Variants in KCNB2 observed in about 807,000 individuals in gnomAD.
KCNB2 encodes the protein delayed rectifier potassium channel protein.
A neutral mutation model predicts 61.5 loss-of-function variants in KCNB2; 15 were observed. The observed-to-expected ratio is 0.24, with a 90% confidence interval of 0.16 to 0.38. KCNB2 has a LOEUF of 0.38. Ranked by LOEUF, KCNB2 falls within the 10% of genes least tolerant of loss-of-function variation. The pLI is 1.00. For missense variants in KCNB2, 828 were observed against 1,125.2 expected (o/e 0.74, Z 3.78); for synonymous variants, 457 against 446.0 (o/e 1.02, Z -0.31).
chr8:72,598,273 C>G (rs922136350), intron 2 of KCNB2, among the ~76,000 whole-genome samples: 1 of 152,206 alleles, frequency 6.6e-6, no homozygotes, highest in Admixed American at 6.5e-5. Flanking sequence ...GACTTCATCA[C>G]TCAGATGCAA....
chr8:72,574,621 G>C (rs1457404413), intron 2 of KCNB2, among the ~76,000 whole-genome samples: 2 of 152,046 alleles, frequency 1.3e-5, no homozygotes, highest in Non-Finnish European at 1.5e-5. Context: ...AAAATCATTA[G>C]TTTTCATTAA....
chr8:72,650,805 G>A (rs1806199910), intron 2 of KCNB2, among the ~76,000 whole-genome samples: 1 of 152,152 alleles, frequency 6.6e-6, no homozygotes, highest in Non-Finnish European at 1.5e-5. Flanking sequence ...TTCAATGTCT[G>A]TAAGCTCTGG....
rs756619739 is a variant in KCNB2 at position 72,935,897 on chromosome 8, T to A, written c.580-38T>A. The A allele has an allele frequency of 2.0e-6, 3 of 1,492,160 alleles. No homozygotes were observed. In the African/African-American group the frequency reaches 4.1e-5, roughly 21 times the overall value. The allele number at this position is 1,492,160 out of a possible 1,614,324, so 92.4% of individuals were successfully genotyped here. A position where few individuals can be genotyped will look rare whatever the true frequency, so the allele number is the denominator to read the frequency against. ...TCTGTCTCCTAGCTGCCTAAGCAAC[T>A]AAGAGGATTTGCTGACTTGGACTTT... On this transcript the variant is annotated intron_variant, in intron 2 of 2. Coordinates refer to ENST00000523207, the MANE Select transcript of KCNB2 (RefSeq NM_004770.3).
chr8:72,851,840 A>AAAAAAACAAAAC (rs1554538996), intron 2 of KCNB2, among the ~76,000 whole-genome samples: 1,716 of 134,514 alleles, frequency 0.013, 85 homozygotes, highest in African/African-American at 0.047. Context: ...AAAAAAAAAA[A>AAAAAAACAAAAC]AAAAAAAACA....
At chr8:72,739,905 C>T (rs1329537297) in intron 2 of KCNB2, among the ~76,000 whole-genome samples, 2 of 152,034 alleles carry the variant, frequency 1.3e-5, no homozygotes, top group Non-Finnish European at 2.9e-5. Flanking sequence ...AAAGTTGTGC[C>T]ATGTACAATA....
At chr8:72,927,862 G>T (rs1214035677) in intron 2 of KCNB2, among the ~76,000 whole-genome samples, 1 of 152,084 alleles carries the variant, frequency 6.6e-6, no homozygotes, top group African/African-American at 2.4e-5. Flanking sequence ...ATCATCTTTT[G>T]GGCTTCAAAG....
intron 2 of KCNB2, among the ~76,000 whole-genome samples, chr8:72,686,836 A>C (rs1044447919): frequency 6.6e-6 from 1 of 152,308 alleles, no homozygotes; most frequent in East Asian, 1.9e-4. Context: ...TTTTATCCAG[A>C]TCAATACTTA....
intron 2 of KCNB2, among the ~76,000 whole-genome samples, chr8:72,582,861 C>A (rs1216879223): frequency 6.6e-6 from 1 of 152,156 alleles, no homozygotes; most frequent in Non-Finnish European, 1.5e-5. Flanking sequence ...CTCAAGCAAG[C>A]CTGCCATGTA....
chr8:72,594,295 C>G (rs1807151846), intron 2 of KCNB2, among the ~76,000 whole-genome samples: 1 of 152,178 alleles, frequency 6.6e-6, no homozygotes, highest in Admixed American at 6.5e-5. Flanking sequence ...TTTGCACCCC[C>G]CTCATCCTCC....
At chr8:72,613,280 A>G (rs935576458) in intron 2 of KCNB2, among the ~76,000 whole-genome samples, 40 of 152,348 alleles carry the variant, frequency 2.6e-4, no homozygotes, top group African/African-American at 9.4e-4. Flanking sequence ...ACAAACAAGC[A>G]AAACTAACAA....
intron 1 of KCNB2, among the ~76,000 whole-genome samples, chr8:72,550,832 A>G (rs1468837826): frequency 6.6e-6 from 1 of 152,194 alleles, no homozygotes; most frequent in African/African-American, 2.4e-5. Flanking sequence ...CTTTCTTCCT[A>G]GGGAATGTCC....
chr8:72,539,263 T>C (rs1045577890), intron 1 of KCNB2, among the ~76,000 whole-genome samples: 1 of 152,196 alleles, frequency 6.6e-6, no homozygotes, highest in Non-Finnish European at 1.5e-5. Context: ...GTTTTTAATT[T>C]AAGGGCATGG....
In KCNB2 at chr8:72,805,483, G is replaced by T. The variant is rs537809440; in HGVS notation, c.580-130452G>T. 3.3e-5 allele frequency among the ~76,000 whole-genome samples: 5 copies of T among 152,270 alleles called. No individual in the cohort carries two copies. The East Asian group carries it at 7.7e-4, about 24-fold the overall frequency. ...CCTAAGGGAATTAGAAGATGGAGTT[G>T]AAGAACATTATCTTAGACTATAAGT... On this transcript the variant is annotated intron_variant, in intron 2 of 2. Coordinates refer to ENST00000523207, the MANE Select transcript of KCNB2 (RefSeq NM_004770.3).
chr8:72,908,626 A>G lies in KCNB2; in HGVS notation c.580-27309A>G, dbSNP rs374421050. 2.0e-5 allele frequency among the ~76,000 whole-genome samples: 3 copies of G among 152,222 alleles called. No homozygotes were observed. In the East Asian group the frequency reaches 5.8e-4, roughly 29 times the overall value. On this transcript the variant is annotated intron_variant, in intron 2 of 2. Transcript: ENST00000523207. The stretch of plus-strand genomic sequence containing the variant: ...AAAGGTAAGTATGGGATAAAATTAT[A>G]AACAGCCTGGCTAAGGTGTTTTCAC...
In KCNB2 at chr8:72,581,987, G is replaced by A. The variant is rs114894602; in HGVS notation, c.579+13674G>A. ...TTCTACCACTGATGGCAGATGGATAGATCATTTATTTAGGTTCAACCATCC... is the reference window on the plus strand; with the variant it reads ...TTCTACCACTGATGGCAGATGGATAAATCATTTATTTAGGTTCAACCATCC... On this transcript the variant is annotated intron_variant, in intron 2 of 2. Transcript: ENST00000523207. Among the ~76,000 whole-genome samples, 399 of 152,282 alleles carry A rather than the reference G, an allele frequency of 2.6e-3. 3 individuals are homozygous for A. The highest frequency in any genetic ancestry group is 8.8e-3 in the African/African-American group (366 of 41,556).
At chr8:72,701,002 C>T (rs1036608480) in intron 2 of KCNB2, among the ~76,000 whole-genome samples, 2 of 152,100 alleles carry the variant, frequency 1.3e-5, no homozygotes, top group Non-Finnish European at 2.9e-5. Flanking sequence ...CATGTTCTCA[C>T]TGATAAGTGG....
At chr8:72,578,129 A>G (rs1806827042) in intron 2 of KCNB2, among the ~76,000 whole-genome samples, 1 of 152,236 alleles carries the variant, frequency 6.6e-6, no homozygotes, top group Non-Finnish European at 1.5e-5. Flanking sequence ...GACACTCTGA[A>G]GAACAGCAAC....
At chr8:72,572,172 A>G (rs930269657) in intron 2 of KCNB2, among the ~76,000 whole-genome samples, 1 of 152,136 alleles carries the variant, frequency 6.6e-6, no homozygotes, top group African/African-American at 2.4e-5. Flanking sequence ...GTCAAGAACA[A>G]AGGAAATCAG....
intron 2 of KCNB2, among the ~76,000 whole-genome samples, chr8:72,898,143 A>T (rs1430315836): frequency 6.6e-6 from 1 of 152,108 alleles, no homozygotes; most frequent in African/African-American, 2.4e-5. Context: ...CGCATGTCTA[A>T]CAAGGACTGA....
Sources: gnomAD v4.1 joint callset for allele counts (sites outside exome capture counted in the v4.1 genomes callset) on GRCh38, gnomAD v4.1.1 for gene constraint, MANE v1.5 for transcripts, NCBI Gene and HGNC (gene_info 2026-07-23, HGNC 2026-07-21) for gene names.